KAZN: variants seen among roughly 807,000 people sequenced by gnomAD.
KAZN encodes kazrin, periplakin interacting protein, also known as kazrin.
A neutral mutation model predicts 87.4 loss-of-function variants in KAZN; 40 were observed. The ratio of observed to expected loss-of-function variants is 0.46; its 90% confidence interval spans 0.36 to 0.60. The LOEUF (loss-of-function observed/expected upper bound fraction) is 0.60, where lower values mean the gene tolerates loss of function less well. KAZN is among the 20% of genes least tolerant of loss of function. The probability of loss-of-function intolerance (pLI) is 0.00; values close to 1 mark genes in which losing one functional copy is unlikely to be tolerated. For synonymous variants in KAZN, 466 were observed against 458.3 expected, an observed-to-expected ratio of 1.02 and a Z score of -0.22; for missense variants, 898 against 1,073.9, an observed-to-expected ratio of 0.84 and a Z score of 2.29.
chr1:14,419,865 C>T (rs1665244773), intron 2 of KAZN, among the ~76,000 whole-genome samples: 1 of 152,096 alleles, frequency 6.6e-6, no homozygotes, highest in African/African-American at 2.4e-5. Flanking sequence ...GCGAGTATTA[C>T]AGCTCGCACA....
At chr1:14,298,282 C>T (rs893592033) in intron 2 of KAZN, among the ~76,000 whole-genome samples, 3 of 152,162 alleles carry the variant, frequency 2.0e-5, no homozygotes, top group African/African-American at 4.8e-5. Flanking sequence ...TTTAAATGGG[C>T]TTCCCTCTAA....
intron 2 of KAZN, among the ~76,000 whole-genome samples, chr1:14,400,133 G>C (rs1440034612): frequency 6.6e-6 from 1 of 151,976 alleles, no homozygotes; most frequent in Non-Finnish European, 1.5e-5. Context: ...TATCCTCCAG[G>C]GATACCCAGG....
chr1:14,663,738 T>G (rs1397991174), intron 1 of KAZN, among the ~76,000 whole-genome samples: 3 of 152,224 alleles, frequency 2.0e-5, no homozygotes, highest in Non-Finnish European at 4.4e-5. Flanking sequence ...ATGATGCAGT[T>G]GTTACCAATG....
chr1:14,218,326 C>A (rs1168441624), intron 2 of KAZN, among the ~76,000 whole-genome samples: 1 of 152,062 alleles, frequency 6.6e-6, no homozygotes, highest in African/African-American at 2.4e-5. Flanking sequence ...TACTCGTGTA[C>A]TGAAAAGGCT....
At chr1:14,091,109 CAAAAAAAAA>C (rs779056126) in intron 1 of KAZN, among the ~76,000 whole-genome samples, 2 of 51,906 alleles carry the variant, frequency 3.9e-5, no homozygotes, top group Admixed American at 2.0e-4. Flanking sequence ...GAGACTCTGT[CAAAAAAAAA>C]AAAAAAAAAA....
At chr1:14,071,224 G>A (rs1340369585) in intron 1 of KAZN, among the ~76,000 whole-genome samples, 1 of 152,090 alleles carries the variant, frequency 6.6e-6, no homozygotes, top group Non-Finnish European at 1.5e-5. Flanking sequence ...CAGTTAAATG[G>A]ACCCAAACTG....
At chr1:14,107,517 T>C (rs1002460901) in intron 1 of KAZN, among the ~76,000 whole-genome samples, 1 of 152,124 alleles carries the variant, frequency 6.6e-6, no homozygotes, top group Non-Finnish European at 1.5e-5. Context: ...GATGAACACA[T>C]TTAAGGGACT....
intron 2 of KAZN, among the ~76,000 whole-genome samples, chr1:14,588,989 C>T (rs574652736): frequency 3.9e-5 from 6 of 152,256 alleles, no homozygotes; most frequent in Admixed American, 1.3e-4. Context: ...GCCATGGGCA[C>T]GGATGCAGAA....
Position 15,094,955 on chromosome 1 carries a change from C to A in KAZN, c.1547+22C>A. 6.6e-7 allele frequency: 1 copy of A among 1,516,350 alleles called. No individual in the cohort carries two copies. The allele number at this position is 1,516,350 out of a possible 1,614,324, so 93.9% of individuals were successfully genotyped here. A position where few individuals can be genotyped will look rare whatever the true frequency, so the allele number is the denominator to read the frequency against. On this transcript the variant is annotated intron_variant, in intron 10 of 14. Coordinates refer to ENST00000376030, the MANE Select transcript of KAZN (RefSeq NM_201628.3). The surrounding 1 kb of genome is among the most constrained non-coding windows in gnomAD (Gnocchi z 4.5). ...GCAGGTGAGCCCACCACGAGGGGCC[C>A]CGGGGGAGGAGAGAAAAAGTCATCC... is the stretch of plus-strand genomic sequence containing the variant.
At chr1:14,347,913 C>G (rs1035105280) in intron 2 of KAZN, among the ~76,000 whole-genome samples, 7 of 149,566 alleles carry the variant, frequency 4.7e-5, no homozygotes, top group Admixed American at 4.0e-4. Flanking sequence ...GAGTCAGTGT[C>G]TCACTGTGTC....
At chr1:14,044,183 C>A (rs1314159719) in intron 1 of KAZN, among the ~76,000 whole-genome samples, 2 of 152,030 alleles carry the variant, frequency 1.3e-5, no homozygotes, top group Non-Finnish European at 2.9e-5. Context: ...AATCACCCAC[C>A]AATACTGTGT....
chr1:15,106,736 C>A (rs1641308502), intron 13 of KAZN, among the ~76,000 whole-genome samples: 1 of 152,148 alleles, frequency 6.6e-6, no homozygotes, highest in Admixed American at 6.5e-5. Flanking sequence ...ACAACTTTGA[C>A]AATGCACATG....
chr1:14,483,771 T>C (rs1669203733), intron 2 of KAZN, among the ~76,000 whole-genome samples: 1 of 152,214 alleles, frequency 6.6e-6, no homozygotes, highest in Admixed American at 6.5e-5. Flanking sequence ...TTTAGGTTAA[T>C]CCTATTTGTC....
chr1:14,968,259 A>G (rs1021357759), intron 2 of KAZN, among the ~76,000 whole-genome samples: 5 of 152,094 alleles, frequency 3.3e-5, no homozygotes, highest in African/African-American at 1.2e-4. Context: ...GCAGTTCACA[A>G]GAGGGTTCGT....
At chr1:14,852,599 G>A (rs999225571) in intron 1 of KAZN, among the ~76,000 whole-genome samples, 4 of 152,204 alleles carry the variant, frequency 2.6e-5, no homozygotes, top group African/African-American at 9.6e-5. Flanking sequence ...AGTTCTGGGC[G>A]GACTTCCAAA....
At chr1:13,986,075 C>T (rs1040343583) in intron 1 of KAZN, among the ~76,000 whole-genome samples, 1 of 152,184 alleles carries the variant, frequency 6.6e-6, no homozygotes, top group Non-Finnish European at 1.5e-5. Flanking sequence ...TTAAAACTTT[C>T]AGAAACTATC....
At chr1:14,279,954 G>A (rs1652709711) in intron 2 of KAZN, among the ~76,000 whole-genome samples, 1 of 152,110 alleles carries the variant, frequency 6.6e-6, no homozygotes, top group Non-Finnish European at 1.5e-5. Flanking sequence ...GTGAGTCACT[G>A]TTAGGGATTG....
intron 1 of KAZN, among the ~76,000 whole-genome samples, chr1:14,937,509 A>G (rs1203102747): frequency 6.6e-6 from 1 of 152,016 alleles, no homozygotes; most frequent in Admixed American, 6.6e-5. Context: ...TCCTTCTTTG[A>G]TCACACAAGT....
At chr1:13,959,989 A>G (rs376101098) in intron 1 of KAZN, among the ~76,000 whole-genome samples, 17 of 152,198 alleles carry the variant, frequency 1.1e-4, no homozygotes, top group Admixed American at 3.9e-4. Flanking sequence ...TATTCCTTCT[A>G]TTTTCATGTG....
Sources: gnomAD v4.1 joint callset for allele counts (sites outside exome capture counted in the v4.1 genomes callset) on GRCh38, gnomAD v4.1.1 for gene constraint, Gnocchi (gnomAD v3.1) non-coding constraint, MANE v1.5 for transcripts, NCBI Gene and HGNC (gene_info 2026-07-23, HGNC 2026-07-21) for gene names.